Variants in ADCY10 observed in about 807,000 individuals in gnomAD.
ADCY10 encodes the protein adenylate cyclase type 10.
A neutral mutation model predicts 183.3 loss-of-function variants in ADCY10; 156 were observed. The ratio of observed to expected loss-of-function variants is 0.85; its 90% confidence interval spans 0.75 to 0.97. ADCY10 has a LOEUF of 0.97. Ranked by LOEUF, ADCY10 falls within the 50% of genes least tolerant of loss-of-function variation. The pLI is 0.00. For missense variants in ADCY10, 1,745 were observed against 1,934.3 expected (o/e 0.90, Z 1.84); for synonymous variants, 645 against 670.0 (o/e 0.96, Z 0.58).
chr1:167,830,654 G>A (rs192757636), intron 25 of ADCY10, among the ~76,000 whole-genome samples: 129 of 152,206 alleles, frequency 8.5e-4, no homozygotes, highest in Non-Finnish European at 1.5e-3. Flanking sequence ...TCAGCCTCCC[G>A]AAGTGCTGGG....
rs1468974862 is a variant in ADCY10, at chr1:167,880,500, T to C, written c.1130A>G (p.His377Arg). Residue 377 changes from histidine to arginine, a missense_variant, in exon 10 of 33, where the codon CAC (histidine) becomes CGC (arginine). By Grantham distance (29) the His-to-Arg change is conservative. Transcript: ENST00000367851. The stretch of plus-strand genomic sequence containing the variant: ...CAGGGTCAATACTCACTGGATTTTG[T>C]GGACTTGAGAGCAGAAGTCAAATAT... ...MDIFDFCSQV[H>R]KIQTVSIGVA... 6.2e-7 allele frequency: 1 copy of C among 1,613,140 alleles called. No homozygotes were observed. The highest frequency in any genetic ancestry group is 8.5e-7 in the Non-Finnish European group (1 of 1,179,192).
intron 26 of ADCY10, among the ~76,000 whole-genome samples, chr1:167,828,652 G>A (rs1037139894): frequency 2.0e-5 from 3 of 152,110 alleles, no homozygotes; most frequent in Admixed American, 2.0e-4. Flanking sequence ...TAATAGGCTT[G>A]TTATCTTTAT....
rs774106830 is a variant in ADCY10, at chr1:167,896,586, G to T, written c.739+9C>A. On this transcript the variant is annotated intron_variant, in intron 7 of 32. Coordinates refer to ENST00000367851, the MANE Select transcript of ADCY10 (RefSeq NM_018417.6). ...GAGGCAAAGGCATTTTTCCATGGTG[G>T]GTACTTACTTTTGTGCTCACCAGAA... 6.3e-7 allele frequency: 1 copy of T among 1,598,744 alleles called. No homozygotes were observed. The highest frequency in any genetic ancestry group is 2.2e-5 in the East Asian group (1 of 44,800).
intron 12 of ADCY10, among the ~76,000 whole-genome samples, chr1:167,875,418 G>T (rs1307281648): frequency 5.1e-5 from 3 of 59,246 alleles, no homozygotes; most frequent in South Asian, 9.8e-4. Context: ...CTGGCACATT[G>T]TTCAATAAAT....
At chr1:167,877,773 T>C (rs1363432185) in intron 12 of ADCY10, among the ~76,000 whole-genome samples, 2 of 152,102 alleles carry the variant, frequency 1.3e-5, no homozygotes, top group African/African-American at 4.8e-5. Context: ...TAGAGGAATG[T>C]CTATGAATCC....
Position 167,810,776 on chromosome 1 carries a change from G to C in ADCY10, c.4620C>G (p.Leu1540=). The C allele has an allele frequency of 1.2e-6, 2 of 1,614,222 alleles. No homozygotes were observed. The highest frequency in any genetic ancestry group is 1.7e-6 in the Non-Finnish European group (2 of 1,180,046). Residue 1540 remains leucine (L), a synonymous_variant, in exon 32 of 33, where the codon CTC becomes CTG. Transcript: ENST00000367851. ...CCAGTATATTCCCCTGTGTTTCAGAGAGCCGCAAGGCTGTGTTCAGGAAGA... is the reference window on the plus strand; with the variant it reads ...CCAGTATATTCCCCTGTGTTTCAGACAGCCGCAAGGCTGTGTTCAGGAAGA... The part of the protein sequence containing the change: ...CGLFLNTALR[L]SETQGNILEK...
At chr1:167,822,199 G>T in intron 29 of ADCY10, 58 bp from the exon 30 acceptor site, 1 of 1,116,550 alleles carries the variant, frequency 9.0e-7, no homozygotes, top group Non-Finnish European at 1.4e-6. Flanking sequence ...CATCTTTCTA[G>T]CCTAGTCACT....
chr1:167,878,343 CT>C, intron 12 of ADCY10, 102 bp downstream of exon 12: 1 of 1,361,180 alleles, frequency 7.3e-7, no homozygotes, highest in Non-Finnish European at 1.0e-6. Context: ...TAGATTTCAA[CT>C]TTTTGAACTG....
At chr1:167,889,703 G>A (rs181310416) in intron 8 of ADCY10, among the ~76,000 whole-genome samples, 111 of 152,300 alleles carry the variant, frequency 7.3e-4, no homozygotes, top group Admixed American at 1.7e-3. Flanking sequence ...TCGGGTCCCA[G>A]ATCTTGTTAC....
At chr1:167,912,433 A>G (rs139903048) in intron 1 of ADCY10, among the ~76,000 whole-genome samples, 68 of 152,350 alleles carry the variant, frequency 4.5e-4, no homozygotes, top group African/African-American at 1.5e-3. Flanking sequence ...CCACGTGTGT[A>G]GAACATCATG....
chr1:167,831,346 C>T (rs960054285), intron 25 of ADCY10, among the ~76,000 whole-genome samples: 9 of 152,210 alleles, frequency 5.9e-5, no homozygotes, highest in East Asian at 5.8e-4. Context: ...CACGCCACCA[C>T]GCCTGGCTAA....
chr1:167,896,734 T>G, intron 6 of ADCY10, 43 bp from the exon 7 acceptor site: 1 of 1,346,838 alleles, frequency 7.4e-7, no homozygotes, highest in Non-Finnish European at 1.1e-6. Context: ...TTCTGAGAAC[T>G]GTTTAATCCT....
Position 167,856,480 on chromosome 1 carries a change from C to T in ADCY10, c.1897-41G>A, listed in dbSNP as rs7537851. On this transcript the variant is annotated intron_variant, in intron 16 of 32. Transcript: ENST00000367851. ...AAAGAGAAAGAGAAACACCATAGGACGTCAGGTTTTTTTACACATGTATGG... is the reference window on the plus strand; with the variant it reads ...AAAGAGAAAGAGAAACACCATAGGATGTCAGGTTTTTTTACACATGTATGG... The T allele has an allele frequency of 0.27, 438,197 of 1,610,754 alleles. 61,253 individuals carry two copies. Among genetic ancestry groups the T allele is most frequent in the Non-Finnish European group, 0.29 (339,390 of 1,178,406 alleles).
intron 16 of ADCY10, among the ~76,000 whole-genome samples, chr1:167,859,082 G>A (rs1171415645): frequency 1.3e-5 from 2 of 152,146 alleles, no homozygotes; most frequent in Non-Finnish European, 2.9e-5. Flanking sequence ...CAAGGATCAG[G>A]ATCAGGATGA....
chr1:167,833,551 G>T (rs1435743333), intron 24 of ADCY10, among the ~76,000 whole-genome samples: 6 of 152,254 alleles, frequency 3.9e-5, no homozygotes, highest in Middle Eastern at 3.4e-3. Flanking sequence ...TTTGAGACCA[G>T]CCTGGCCAAC....
At position 167,903,997 on chromosome 1, in the gene ADCY10, A is replaced by G. The variant is rs1669634861; in HGVS notation, c.149-6T>C. Reference sequence around the variant, plus strand: ...CTCAGTCATTGCAGTAAAACCTGGAATAAATGTGCAGCTGGTTTCCTTGGC... The same window carrying G: ...CTCAGTCATTGCAGTAAAACCTGGAGTAAATGTGCAGCTGGTTTCCTTGGC... On this transcript the variant is annotated splice_region_variant and splice_polypyrimidine_tract_variant and intron_variant, in intron 2 of 32. Transcript: ENST00000367851. 6.2e-7 allele frequency: 1 copy of G among 1,602,306 alleles called. No individual in the cohort carries two copies. The highest frequency in any genetic ancestry group is 8.5e-7 in the Non-Finnish European group (1 of 1,169,750).
chr1:167,873,138 T>G (rs1175628992), intron 13 of ADCY10, among the ~76,000 whole-genome samples: 1 of 152,150 alleles, frequency 6.6e-6, no homozygotes, highest in African/African-American at 2.4e-5. Context: ...TCTGCAATCT[T>G]GTAGAAAGAA....
Position 167,822,048 on chromosome 1 carries a change from C to A in ADCY10, c.4262G>T (p.Gly1421Val). ...CCAGATAGCTACAGAGGAATAAAGT[C>A]CCAGGAGGAGTCCACTGTGGAACTT... The part of the protein sequence containing the change: ...ILKFHSGLLL[G>V]LYSSVAIWYA... The change falls in exon 30 of 33, where the codon GGA becomes GTA. Residue 1421 changes from glycine (G) to valine (V), a missense_variant. Coordinates refer to ENST00000367851, the MANE Select transcript of ADCY10 (RefSeq NM_018417.6). 1 of 1,595,872 alleles carries A rather than the reference C, an allele frequency of 6.3e-7. No homozygotes were observed. The highest frequency in any genetic ancestry group is 8.6e-7 in the Non-Finnish European group (1 of 1,163,404).
chr1:167,873,049 G>A (rs375472067), intron 13 of ADCY10, among the ~76,000 whole-genome samples: 37 of 151,798 alleles, frequency 2.4e-4, no homozygotes, highest in African/African-American at 8.7e-4. Context: ...CAGCCTGGGC[G>A]ACAGAGTGAG....
Sources: allele counts gnomAD v4.1 joint callset (sites outside exome capture counted in the v4.1 genomes callset), GRCh38; gene constraint gnomAD v4.1.1; transcripts MANE v1.5; gene names NCBI Gene and HGNC (gene_info 2026-07-23, HGNC 2026-07-21).